Variants in CCDC7 observed in about 807,000 individuals in gnomAD.
CCDC7 encodes the protein coiled-coil domain-containing protein 7.
CCDC7 carries 183 observed loss-of-function variants against 196.9 expected under a neutral mutation model. The ratio of observed to expected loss-of-function variants is 0.93; its 90% CI spans 0.82 to 1.05. The LOEUF (loss-of-function observed/expected upper bound fraction) is 1.05, where lower values mean the gene tolerates loss of function less well. Among genes scored for constraint, CCDC7 ranks in the 50% least tolerant of loss-of-function variants. The pLI, the probability that CCDC7 is intolerant of heterozygous loss-of-function variation, is 0.00. For synonymous variants in CCDC7, 525 were observed against 484.6 expected, an observed-to-expected ratio of 1.08 and a Z score of -1.10; for missense variants, 1,540 against 1,482.2, an observed-to-expected ratio of 1.04 and a Z score of -0.64.
In CCDC7 at chr10:32,829,693, A is replaced by T. The variant is rs368428971; in HGVS notation, c.3268+5089A>T. On this transcript the variant is annotated intron_variant, in intron 32 of 41. Coordinates refer to ENST00000639629, the Ensembl canonical transcript of CCDC7. ...AGATGTGTACGGGTTCAAATTGACA[A>T]GGGATGGACTTATGATGGTTAATAC... is the stretch of plus-strand genomic sequence containing the variant. Among the ~76,000 whole-genome samples, 6 of 152,178 alleles carry T rather than the reference A, an allele frequency of 3.9e-5. No individual in the cohort carries two copies. In the East Asian group the frequency reaches 1.2e-3, roughly 29 times the overall value.
At chr10:32,812,046 A>G (rs1348323970) in intron 30 of CCDC7, among the ~76,000 whole-genome samples, 1 of 152,138 alleles carries the variant, frequency 6.6e-6, no homozygotes, top group Non-Finnish European at 1.5e-5. Flanking sequence ...CAACTTAGGC[A>G]TAAAAGGAAT....
chr10:32,487,121 A>C (rs1003372677), intron 8 of CCDC7, among the ~76,000 whole-genome samples: 6 of 152,216 alleles, frequency 3.9e-5, no homozygotes, highest in South Asian at 2.1e-4. Context: ...CATCACTTTC[A>C]GGTACACTAA....
intron 20 of CCDC7, among the ~76,000 whole-genome samples, chr10:32,646,829 C>T (rs1444819409): frequency 6.6e-6 from 1 of 152,194 alleles, no homozygotes; most frequent in Non-Finnish European, 1.5e-5. Flanking sequence ...TGAGAACATG[C>T]AGTATTCAGT....
intron 24 of CCDC7, among the ~76,000 whole-genome samples, chr10:32,710,142 A>G (rs1036402836): frequency 3.0e-4 from 45 of 152,174 alleles, no homozygotes; most frequent in African/African-American, 1.0e-3. Context: ...GGGGTTTTAT[A>G]GTGACACAGC....
intron 18 of CCDC7, among the ~76,000 whole-genome samples, chr10:32,612,346 A>G (rs1293127892): frequency 1.3e-5 from 1 of 77,036 alleles, no homozygotes; most frequent in Admixed American, 1.7e-4. Context: ...TTCTAAATAT[A>G]CAATCATGTC....
At chr10:32,546,451 T>C (rs2052472680) in intron 13 of CCDC7, among the ~76,000 whole-genome samples, 1 of 152,122 alleles carries the variant, frequency 6.6e-6, no homozygotes, top group Non-Finnish European at 1.5e-5. Context: ...GAAATTGGGG[T>C]AGAGACAGCT....
chr10:32,570,302 A>G (rs765019449), intron 15 of CCDC7, among the ~76,000 whole-genome samples: 26 of 152,076 alleles, frequency 1.7e-4, no homozygotes, highest in Non-Finnish European at 2.9e-4. Flanking sequence ...AATTCTGTCC[A>G]GTTTTCTCAA....
intron 8 of CCDC7, among the ~76,000 whole-genome samples, chr10:32,480,595 T>C (rs2039790155): frequency 1.3e-5 from 2 of 151,886 alleles, no homozygotes; most frequent in Non-Finnish European, 2.9e-5. Context: ...ATTTTTTGAT[T>C]TCTTTTTGAT....
intron 18 of CCDC7, among the ~76,000 whole-genome samples, chr10:32,606,864 GA>G (rs1298747475): frequency 3.3e-5 from 5 of 152,322 alleles, no homozygotes; most frequent in African/African-American, 1.2e-4. Flanking sequence ...AATGAGTTAA[GA>G]GTTTGGGGGC....
chr10:32,645,288 T>G (rs1286312679), intron 20 of CCDC7, among the ~76,000 whole-genome samples: 1 of 152,134 alleles, frequency 6.6e-6, no homozygotes, highest in African/African-American at 2.4e-5. Flanking sequence ...TCAGTATGTT[T>G]TTTGTCCTTT....
At chr10:32,578,806 T>C (rs375048756) in intron 16 of CCDC7, among the ~76,000 whole-genome samples, 25 of 152,140 alleles carry the variant, frequency 1.6e-4, no homozygotes, top group African/African-American at 5.6e-4. Context: ...TTAAGTGATA[T>C]AGAATGTATC....
intron 18 of CCDC7, among the ~76,000 whole-genome samples, chr10:32,615,141 TA>T (rs777527715): frequency 6.6e-6 from 1 of 152,168 alleles, no homozygotes; most frequent in Non-Finnish European, 1.5e-5. Context: ...AGGGTAAACA[TA>T]CAAGTGCAGT....
intron 18 of CCDC7, chr10:32,623,608 TAAG>T (rs2063645961): frequency 2.3e-6 from 1 of 433,344 alleles, no homozygotes. Context: ...TAAATACTAT[TAAG>T]AACTCTGTCA....
At chr10:32,662,569 A>G (rs765580881) in intron 20 of CCDC7, among the ~76,000 whole-genome samples, 14 of 152,246 alleles carry the variant, frequency 9.2e-5, no homozygotes, top group African/African-American at 1.2e-4. Context: ...GAGCCCCTCA[A>G]TCTCTTCCTT....
chr10:32,557,572 C>T (rs1222612184), intron 13 of CCDC7, among the ~76,000 whole-genome samples: 2 of 151,966 alleles, frequency 1.3e-5, no homozygotes, highest in African/African-American at 2.4e-5. Flanking sequence ...TATTTTGTAT[C>T]GATATATTTT....
intron 28 of CCDC7, among the ~76,000 whole-genome samples, chr10:32,731,765 C>T (rs1017121458): frequency 1.3e-5 from 2 of 152,080 alleles, no homozygotes; most frequent in Non-Finnish European, 2.9e-5. Flanking sequence ...TCTTATAAAA[C>T]TGATAGGGCT....
At chr10:32,526,993 T>C (rs10827071) in intron 11 of CCDC7, among the ~76,000 whole-genome samples, 20,969 of 152,126 alleles carry the variant, frequency 0.14, 1,750 homozygotes, top group East Asian at 0.25. Context: ...GAAATTGCAG[T>C]CCATGTGTCC....
intron 30 of CCDC7, among the ~76,000 whole-genome samples, chr10:32,808,282 C>T (rs1483413863): frequency 6.6e-6 from 1 of 152,138 alleles, no homozygotes; most frequent in African/African-American, 2.4e-5. Context: ...ATTACCTTGC[C>T]CCATCAGTTG....
intron 24 of CCDC7, among the ~76,000 whole-genome samples, chr10:32,704,920 C>T (rs4443970): frequency 6.6e-6 from 1 of 152,158 alleles, no homozygotes; most frequent in Non-Finnish European, 1.5e-5. Flanking sequence ...TCACACCTTT[C>T]CTTGGCTAGG....
Sources: gnomAD v4.1 joint callset for allele counts (sites outside exome capture counted in the v4.1 genomes callset) on GRCh38, gnomAD v4.1.1 for gene constraint, MANE v1.5 for transcripts, NCBI Gene and HGNC (gene_info 2026-07-23, HGNC 2026-07-21) for gene names.